NR5A2: variants seen among roughly 807,000 people sequenced by gnomAD.
NR5A2 encodes the protein CYP7A promoter-binding factor.
Under a neutral mutation model 62.7 loss-of-function variants are expected in NR5A2, and 26 were observed. That is an observed-to-expected ratio of 0.41 (90% CI 0.30 to 0.58). NR5A2 has a LOEUF of 0.58. Among genes scored for constraint, NR5A2 ranks in the 20% least tolerant of loss-of-function variants. The pLI is 0.22. For synonymous variants in NR5A2, 246 were observed against 241.7 expected, an observed-to-expected ratio of 1.02 and a Z score of -0.16; for missense variants, 541 against 669.1, an observed-to-expected ratio of 0.81 and a Z score of 2.11.
At chr1:200,145,938 TAAATG>T (rs1182706081) in intron 7 of NR5A2, among the ~76,000 whole-genome samples, 5 of 152,346 alleles carry the variant, frequency 3.3e-5, no homozygotes, top group Admixed American at 3.3e-4. Flanking sequence ...GTACACCAGA[TAAATG>T]AATATAAGCT....
At chr1:200,050,832 C>T (rs940306955) in intron 5 of NR5A2, among the ~76,000 whole-genome samples, 2 of 152,132 alleles carry the variant, frequency 1.3e-5, no homozygotes, top group Non-Finnish European at 2.9e-5. Context: ...GCGGAGGTTG[C>T]GGTGAGCCGA....
chr1:200,060,073 G>T (rs549444891), intron 5 of NR5A2, among the ~76,000 whole-genome samples: 2 of 152,102 alleles, frequency 1.3e-5, no homozygotes, highest in African/African-American at 4.8e-5. Flanking sequence ...TGGCATGGGC[G>T]CCCTGGCTGG....
At chr1:200,060,939 TAAAAAAA>T (rs60736317) in intron 5 of NR5A2, among the ~76,000 whole-genome samples, 1 of 87,850 alleles carries the variant, frequency 1.1e-5, no homozygotes, top group Non-Finnish European at 2.2e-5. Context: ...CCATCTCTAC[TAAAAAAA>T]AAAAAAAAAA....
At chr1:200,068,091 T>G (rs767993372) in intron 5 of NR5A2, among the ~76,000 whole-genome samples, 34 of 152,218 alleles carry the variant, frequency 2.2e-4, no homozygotes, top group Admixed American at 1.2e-3. Context: ...GAGGGTAAAG[T>G]TGCTAGTTAT....
At chr1:200,091,936 G>T (rs1303467055) in intron 5 of NR5A2, among the ~76,000 whole-genome samples, 2 of 152,138 alleles carry the variant, frequency 1.3e-5, no homozygotes, top group African/African-American at 4.8e-5. Flanking sequence ...TGCGGTACAT[G>T]AACCACCAGC....
Position 200,174,132 on chromosome 1 carries a change from C to A in NR5A2, c.1548C>A (p.Tyr516Ter). 1 of 1,613,660 alleles carries A rather than the reference C, an allele frequency of 6.2e-7. No homozygotes were observed. The highest frequency in any genetic ancestry group is 8.5e-7 in the Non-Finnish European group (1 of 1,179,906). The change falls in exon 8 of 8, where the codon TAC becomes TAA. Residue 516 changes from tyrosine to a stop codon, truncating the protein, a stop_gained. Transcript: ENST00000367362. LOFTEE classifies it high-confidence loss of function. ...IRAISMQAEE[Y>*]LYYKHLNGDV... ...CCATCAGTATGCAGGCTGAAGAATA[C>A]CTCTACTACAAGCACCTGAACGGGG...
At chr1:200,065,468 G>A (rs1006550777) in intron 5 of NR5A2, among the ~76,000 whole-genome samples, 1 of 152,136 alleles carries the variant, frequency 6.6e-6, no homozygotes, top group Non-Finnish European at 1.5e-5. Flanking sequence ...ACCTTGAACT[G>A]ATTTATTGCT....
chr1:200,164,955 C>G (rs1243110724), intron 7 of NR5A2, among the ~76,000 whole-genome samples: 1 of 143,630 alleles, frequency 7.0e-6, no homozygotes, highest in Non-Finnish European at 1.5e-5. Flanking sequence ...CAGCTCACTG[C>G]AACCTCCAAC....
rs1353565046 is a variant in NR5A2 at position 200,068,589 on chromosome 1, A to G, written c.1110+19771A>G. Among the ~76,000 whole-genome samples the G allele has an allele frequency of 9.2e-5, 14 of 152,294 alleles. No homozygotes were observed. In the East Asian group the frequency reaches 1.9e-3, roughly 21 times the overall value. Reference sequence around the variant, plus strand: ...CTTTGCGGACTCTAAATTTTATACAATTTAGGAAGCGCTCAGTGAAAAAGA... The same window carrying G: ...CTTTGCGGACTCTAAATTTTATACAGTTTAGGAAGCGCTCAGTGAAAAAGA... On this transcript the variant is annotated intron_variant, in intron 5 of 7. Coordinates refer to ENST00000367362, the MANE Select transcript of NR5A2 (RefSeq NM_205860.3).
At chr1:200,134,078 C>T (rs1667109853) in intron 7 of NR5A2, among the ~76,000 whole-genome samples, 1 of 151,752 alleles carries the variant, frequency 6.6e-6, no homozygotes, top group Non-Finnish European at 1.5e-5. Flanking sequence ...TACAGCTGTA[C>T]AATGTATTTG....
At chr1:200,161,211 A>G (rs1457351082) in intron 7 of NR5A2, among the ~76,000 whole-genome samples, 2 of 152,174 alleles carry the variant, frequency 1.3e-5, no homozygotes. Flanking sequence ...TTTTAAATAC[A>G]ACTTTATTTG....
rs755495996 is a variant in NR5A2 at position 200,039,611 on chromosome 1, CCCTT to C, written c.65-41_65-38del. The C allele has an allele frequency of 2.7e-5, 44 of 1,606,978 alleles. No individual in the cohort carries two copies. In the East Asian group the frequency reaches 9.1e-4, roughly 33 times the overall value. ...TTGGGTTAGCAGGCATCCCGGTCGC[CCCTT>C]CCTTCTTTTCGCCGGAGTTGAATCT... On this transcript the variant is annotated intron_variant, in intron 1 of 7. Coordinates refer to ENST00000367362, the MANE Select transcript of NR5A2 (RefSeq NM_205860.3). This position sits in a 1 kb window ranked among gnomAD's most constrained non-coding sequence, Gnocchi z 5.1.
At position 200,102,598 on chromosome 1, in the gene NR5A2, GC is replaced by G. The variant is rs540468554; in HGVS notation, c.1111-8602del. Among the ~76,000 whole-genome samples the G allele has an allele frequency of 2.6e-5, 4 of 152,284 alleles. No homozygotes were observed. In the East Asian group the frequency reaches 7.7e-4, roughly 29 times the overall value. ...GATTAAGGATGTCAGCAGAATGACA[GC>G]CACTAAACTCCACCCCTACCTCTGC... On this transcript the variant is annotated intron_variant, in intron 5 of 7. Transcript: ENST00000367362.
intron 5 of NR5A2, among the ~76,000 whole-genome samples, chr1:200,070,478 C>T (rs1663688538): frequency 6.6e-6 from 1 of 151,932 alleles, no homozygotes; most frequent in African/African-American, 2.4e-5. Context: ...TCACTTGAGC[C>T]TAAGACAAGG....
At chr1:200,155,376 A>G (rs187088293) in intron 7 of NR5A2, among the ~76,000 whole-genome samples, 1 of 152,334 alleles carries the variant, frequency 6.6e-6, no homozygotes, top group Admixed American at 6.5e-5. Context: ...CTATAATTAT[A>G]TAAATTATAA....
At chr1:200,028,076 C>T (rs1048095274) in intron 1 of NR5A2, among the ~76,000 whole-genome samples, 165 bp downstream of exon 1, 1 of 151,986 alleles carries the variant, frequency 6.6e-6, no homozygotes, top group Non-Finnish European at 1.5e-5. Flanking sequence ...ATCTTTCTTG[C>T]AGTTCAAAAA....
At chr1:200,073,464 A>G (rs1194927525) in intron 5 of NR5A2, among the ~76,000 whole-genome samples, 2 of 151,714 alleles carry the variant, frequency 1.3e-5, no homozygotes, top group African/African-American at 2.4e-5. Flanking sequence ...AAAATGGCAC[A>G]GTATTTACAT....
intron 5 of NR5A2, among the ~76,000 whole-genome samples, chr1:200,099,615 A>T (rs533224177): frequency 4.0e-5 from 6 of 151,898 alleles, no homozygotes; most frequent in Admixed American, 3.9e-4. Context: ...ATTTTTTGAG[A>T]TGGAATCTTG....
intron 7 of NR5A2, among the ~76,000 whole-genome samples, chr1:200,140,648 G>T (rs1414664572): frequency 2.0e-5 from 3 of 152,154 alleles, no homozygotes; most frequent in Admixed American, 2.0e-4. Flanking sequence ...TCTACAGGAA[G>T]TTGGATGTTA....
Sources: gnomAD v4.1 joint callset for allele counts (sites outside exome capture counted in the v4.1 genomes callset) on GRCh38, gnomAD v4.1.1 for gene constraint, Gnocchi (gnomAD v3.1) non-coding constraint, MANE v1.5 for transcripts, NCBI Gene and HGNC (gene_info 2026-07-23, HGNC 2026-07-21) for gene names.